Variants in DLC1 observed in about 807,000 individuals in gnomAD.
DLC1 encodes the protein rho GTPase-activating protein 7.
A neutral mutation model predicts 140.3 loss-of-function variants in DLC1; 54 were observed. The ratio of observed to expected loss-of-function variants is 0.38; its 90% confidence interval spans 0.31 to 0.48. DLC1 has a LOEUF of 0.48. DLC1 is among the 20% of genes least tolerant of loss of function. The pLI, the probability that DLC1 is intolerant of heterozygous loss-of-function variation, is 0.96. For missense variants in DLC1, 2,536 were observed against 1,907.0 expected (o/e 1.33, Z -6.14); for synonymous variants, 986 against 728.1 (o/e 1.35, Z -5.70).
intron 2 of DLC1, among the ~76,000 whole-genome samples, chr8:13,450,085 TAAATC>T (rs925121445): frequency 1.3e-5 from 2 of 152,114 alleles, no homozygotes; most frequent in African/African-American, 2.4e-5. Context: ...TTTACTAAAA[TAAATC>T]AAATTAAGTA....
chr8:13,194,459 C>T (rs76636652), intron 5 of DLC1, among the ~76,000 whole-genome samples: 1,582 of 152,294 alleles, frequency 0.01, 26 homozygotes, highest in African/African-American at 0.036. Flanking sequence ...TGGCATCAGG[C>T]AGTCCTGGAG....
In DLC1 at chr8:13,099,906, C is replaced by T. The variant is rs1818876024; in HGVS notation, c.2431G>A (p.Glu811Lys). 2.5e-6 allele frequency: 4 copies of T among 1,613,982 alleles called. No individual in the cohort carries two copies. The highest frequency in any genetic ancestry group is 3.4e-6 in the Non-Finnish European group (4 of 1,180,040). ...GGGAAAGTGCCAGGCTTGTGATCTT[C>T]AGGGATGTAGAACACCGTGTCCTCT... is the stretch of plus-strand genomic sequence containing the variant. ...YPEDTVFYIP[E>K]DHKPGTFPKA... is the part of the protein sequence containing the mutation. The change falls in exon 9 of 18, where the codon GAA becomes AAA. Residue 811 changes from glutamate to lysine, a missense_variant. Physicochemically the swap from Glu to Lys is moderately conservative, Grantham distance 56. Coordinates refer to ENST00000276297, the MANE Select transcript of DLC1 (RefSeq NM_182643.3).
chr8:13,143,293 GA>G (rs1249550042), intron 5 of DLC1, among the ~76,000 whole-genome samples: 25 of 152,326 alleles, frequency 1.6e-4, no homozygotes, highest in African/African-American at 6.0e-4. Context: ...GTTGTGCTCT[GA>G]AAACATGTGC....
intron 1 of DLC1, among the ~76,000 whole-genome samples, chr8:13,555,461 T>C (rs576339868): frequency 6.6e-6 from 1 of 152,288 alleles, no homozygotes; most frequent in East Asian, 1.9e-4. Flanking sequence ...TAGGTGGCTT[T>C]CATTTTATGT....
At chr8:13,310,344 A>C (rs1832625621) in intron 4 of DLC1, among the ~76,000 whole-genome samples, 1 of 151,516 alleles carries the variant, frequency 6.6e-6, no homozygotes, top group African/African-American at 2.4e-5. Flanking sequence ...GAGAAAAATC[A>C]GTGACAGAGT....
intron 1 of DLC1, among the ~76,000 whole-genome samples, chr8:13,543,773 T>C (rs149016118): frequency 6.6e-6 from 1 of 152,200 alleles, no homozygotes; most frequent in African/African-American, 2.4e-5. Context: ...TTCTCATCTG[T>C]AATTGGGAGC....
rs1380550450 is a variant in DLC1 at position 13,176,348 on chromosome 8, G to A, written c.1349-60691C>T. Among the ~76,000 whole-genome samples the A allele has an allele frequency of 3.9e-5, 6 of 152,158 alleles. No individual in the cohort carries two copies. In the East Asian group the frequency reaches 7.7e-4, roughly 20 times the overall value. On this transcript the variant is annotated intron_variant, in intron 5 of 17. Transcript: ENST00000276297. The stretch of plus-strand genomic sequence containing the variant: ...AATCCCAGCACTTTGGGAGGCCGAG[G>A]TGGGTGGATCACAAGGTCAGGAGAT...
At chr8:13,481,395 C>T (rs1422325062) in intron 2 of DLC1, among the ~76,000 whole-genome samples, 2 of 152,086 alleles carry the variant, frequency 1.3e-5, no homozygotes, top group Non-Finnish European at 2.9e-5. Context: ...CCAGTCACTG[C>T]AGCTTGGGTG....
intron 5 of DLC1, among the ~76,000 whole-genome samples, chr8:13,174,769 T>A (rs1825670303): frequency 6.6e-6 from 1 of 152,198 alleles, no homozygotes; most frequent in African/African-American, 2.4e-5. Context: ...TAGAACTTTG[T>A]CAGATGCAGA....
intron 1 of DLC1, among the ~76,000 whole-genome samples, chr8:13,522,246 A>G (rs1310282633): frequency 6.6e-6 from 1 of 152,156 alleles, no homozygotes. Flanking sequence ...GAAATCTGGG[A>G]TGCCTCGTTA....
intron 4 of DLC1, among the ~76,000 whole-genome samples, chr8:13,392,489 A>C (rs1836805340): frequency 6.6e-6 from 1 of 152,182 alleles, no homozygotes; most frequent in Non-Finnish European, 1.5e-5. Context: ...GTCATGTTTT[A>C]AAATCAGAGT....
At chr8:13,359,375 A>G (rs771898074) in intron 4 of DLC1, among the ~76,000 whole-genome samples, 1 of 152,176 alleles carries the variant, frequency 6.6e-6, no homozygotes, top group Non-Finnish European at 1.5e-5. Context: ...AGGTAATGCT[A>G]TACAAATCTG....
chr8:13,383,819 A>G (rs1193715164), intron 4 of DLC1, among the ~76,000 whole-genome samples: 1 of 152,214 alleles, frequency 6.6e-6, no homozygotes, highest in Non-Finnish European at 1.5e-5. Flanking sequence ...AGCCACACGA[A>G]TAAGCCAATT....
At position 13,102,781 on chromosome 8, in the gene DLC1, T is replaced by C. The variant is rs1819205066; in HGVS notation, c.1566+9A>G. On this transcript the variant is annotated intron_variant, in intron 8 of 17. Transcript: ENST00000276297. Reference sequence around the variant, plus strand: ...CCCCCTCATTCTATTATGCAATTTGTATACTCACTCGTTTCCGATGAGGAC... The same window carrying C: ...CCCCCTCATTCTATTATGCAATTTGCATACTCACTCGTTTCCGATGAGGAC... The C allele has an allele frequency of 2.5e-6, 4 of 1,613,018 alleles. No homozygotes were observed. The highest frequency in any genetic ancestry group is 3.4e-6 in the Non-Finnish European group (4 of 1,179,240).
intron 5 of DLC1, among the ~76,000 whole-genome samples, chr8:13,238,845 G>A (rs1829412051): frequency 6.6e-6 from 1 of 152,166 alleles, no homozygotes; most frequent in Admixed American, 6.6e-5. Context: ...CTTCCAGGAG[G>A]GGCGTGGGCT....
Position 13,114,764 on chromosome 8 carries a change from C to A in DLC1, c.1420+822G>T, listed in dbSNP as rs535593933. Among the ~76,000 whole-genome samples, 13 of 152,160 alleles carry A rather than the reference C, an allele frequency of 8.5e-5. No individual in the cohort carries two copies. The East Asian group carries it at 2.5e-3, about 29-fold the overall frequency. On this transcript the variant is annotated intron_variant, in intron 6 of 17. Coordinates refer to ENST00000276297, the MANE Select transcript of DLC1 (RefSeq NM_182643.3). ...GAGTGACATGAATAAATGCTCATTA[C>A]CATGAAGGATTAGGGAAATGGCAGT...
At chr8:13,172,915 G>C (rs1385843286) in intron 5 of DLC1, among the ~76,000 whole-genome samples, 1 of 152,170 alleles carries the variant, frequency 6.6e-6, no homozygotes, top group Non-Finnish European at 1.5e-5. Context: ...TTCTGTAGTT[G>C]ATGTTGCTGC....
chr8:13,367,653 C>G (rs1181305927), intron 4 of DLC1, among the ~76,000 whole-genome samples: 2 of 152,176 alleles, frequency 1.3e-5, no homozygotes, highest in African/African-American at 4.8e-5. Context: ...GTCATCATAT[C>G]AGGCACTTTG....
chr8:13,202,102 C>T (rs1387173537), intron 5 of DLC1, among the ~76,000 whole-genome samples: 3 of 151,740 alleles, frequency 2.0e-5, no homozygotes, highest in Non-Finnish European at 2.9e-5. Flanking sequence ...CGCGCCAAAA[C>T]GCCCAGTTAA....
Sources: allele counts gnomAD v4.1 joint callset (sites outside exome capture counted in the v4.1 genomes callset), GRCh38; gene constraint gnomAD v4.1.1; transcripts MANE v1.5; gene names NCBI Gene and HGNC (gene_info 2026-07-23, HGNC 2026-07-21).